Variants in PIWIL2 observed in about 807,000 individuals in gnomAD.
The protein encoded by PIWIL2 is piwi like RNA-mediated gene silencing 2.
Under a neutral mutation model 116.5 loss-of-function variants are expected in PIWIL2, and 81 were observed. The ratio of observed to expected loss-of-function variants is 0.70; its 90% CI spans 0.58 to 0.84. PIWIL2 has a LOEUF of 0.84. Ranked by LOEUF, PIWIL2 falls within the 40% of genes least tolerant of loss-of-function variation. PIWIL2 has a pLI of 0.00. For synonymous variants in PIWIL2, 489 were observed against 429.5 expected, an observed-to-expected ratio of 1.14 and a Z score of -1.71; for missense variants, 1,272 against 1,212.3, an observed-to-expected ratio of 1.05 and a Z score of -0.73.
chr8:22,285,833 C>T (rs1830616721), intron 6 of PIWIL2, among the ~76,000 whole-genome samples: 1 of 151,688 alleles, frequency 6.6e-6, no homozygotes, highest in South Asian at 2.1e-4. Context: ...TTAGTAGAGT[C>T]GGGGTTTTGC....
intron 10 of PIWIL2, among the ~76,000 whole-genome samples, chr8:22,291,961 G>A (rs549476249): frequency 6.6e-6 from 1 of 152,120 alleles, no homozygotes; most frequent in Non-Finnish European, 1.5e-5. Flanking sequence ...GGCAGGGGGC[G>A]GAGAATTGCA....
intron 20 of PIWIL2, among the ~76,000 whole-genome samples, chr8:22,327,725 C>T (rs748800568): frequency 1.7e-4 from 26 of 152,140 alleles, no homozygotes; most frequent in Non-Finnish European, 3.4e-4. Flanking sequence ...TCTTAATGAC[C>T]AGTGATGTTG....
At chr8:22,314,797 GTTTTA>G (rs994255081) in intron 17 of PIWIL2, among the ~76,000 whole-genome samples, 1 of 151,944 alleles carries the variant, frequency 6.6e-6, no homozygotes, top group Non-Finnish European at 1.5e-5. Context: ...TCATTTGTTG[GTTTTA>G]TTTTGTTTTG....
chr8:22,304,908 C>G (rs753341984), intron 12 of PIWIL2, 40 bp downstream of exon 12: 1 of 1,336,410 alleles, frequency 7.5e-7, no homozygotes, highest in Non-Finnish European at 1.1e-6. Context: ...AGCTTAAGTT[C>G]TTCATCCTGT....
At chr8:22,289,238 C>T (rs910440638) in intron 8 of PIWIL2, among the ~76,000 whole-genome samples, 8 of 151,604 alleles carry the variant, frequency 5.3e-5, no homozygotes, top group South Asian at 2.1e-4. Context: ...CTGCAACCTC[C>T]GACTCCCTGG....
chr8:22,290,580 T>TA (rs1401729047), intron 10 of PIWIL2, among the ~76,000 whole-genome samples: 1 of 151,806 alleles, frequency 6.6e-6, no homozygotes, highest in Non-Finnish European at 1.5e-5. Flanking sequence ...TAGCCAGGAC[T>TA]ACGGGTGTGC....
At chr8:22,345,751 A>G (rs1311767294) in intron 20 of PIWIL2, among the ~76,000 whole-genome samples, 1 of 152,236 alleles carries the variant, frequency 6.6e-6, no homozygotes, top group Non-Finnish European at 1.5e-5. Context: ...CATATAATGG[A>G]ATACTATTCT....
At chr8:22,277,470 A>G (rs931804950) in intron 1 of PIWIL2, among the ~76,000 whole-genome samples, 4 of 152,214 alleles carry the variant, frequency 2.6e-5, no homozygotes, top group African/African-American at 9.6e-5. Flanking sequence ...CTCAAAGCAG[A>G]AAGACTGTGT....
At chr8:22,331,640 G>A (rs1831864197) in intron 20 of PIWIL2, among the ~76,000 whole-genome samples, 1 of 152,126 alleles carries the variant, frequency 6.6e-6, no homozygotes, top group South Asian at 2.1e-4. Flanking sequence ...GTATTAGTTT[G>A]CTACAAATGA....
In PIWIL2 at chr8:22,320,259, C is replaced by CTTTTTTT. The variant is rs71544874; in HGVS notation, c.2403+2000_2403+2006dup. ...TACAGGTGTGAGCTGCTGCGCCCGG[C>CTTTTTTT]TTTTTTTTTTTTTTTTTTTTTTGAG... is the stretch of plus-strand genomic sequence containing the variant. On this transcript the variant is annotated intron_variant, in intron 20 of 22. Coordinates refer to ENST00000356766, the MANE Select transcript of PIWIL2 (RefSeq NM_018068.5). Among the ~76,000 whole-genome samples the CTTTTTTT allele has an allele frequency of 1.9e-4, 17 of 89,614 alleles. 2 individuals carry two copies. The highest frequency in any genetic ancestry group is 3.0e-4 in the Non-Finnish European group (14 of 46,092). The allele number at this position is 89,614 out of a possible 152,430, so 58.8% of individuals were successfully genotyped here.
intron 2 of PIWIL2, among the ~76,000 whole-genome samples, 187 bp from the exon 3 acceptor site, chr8:22,280,933 T>TA (rs1166884738): frequency 6.6e-6 from 1 of 152,246 alleles, no homozygotes; most frequent in Non-Finnish European, 1.5e-5. Flanking sequence ...GCCATAACTG[T>TA]AACTGTGCTT....
chr8:22,351,304 T>A (rs181994961), intron 20 of PIWIL2, among the ~76,000 whole-genome samples: 44 of 149,498 alleles, frequency 2.9e-4, no homozygotes, highest in African/African-American at 1.1e-3. Flanking sequence ...AGCAACAGAG[T>A]GAGACCTCAA....
chr8:22,332,671 A>G (rs1831888829), intron 20 of PIWIL2, among the ~76,000 whole-genome samples: 5 of 152,126 alleles, frequency 3.3e-5, no homozygotes, highest in African/African-American at 7.2e-5. Flanking sequence ...AAGCCACAAG[A>G]TAATAATATA....
chr8:22,287,292 G>A (rs1830649882), intron 6 of PIWIL2, among the ~76,000 whole-genome samples: 1 of 152,204 alleles, frequency 6.6e-6, no homozygotes, highest in African/African-American at 2.4e-5. Flanking sequence ...GACGTGCTAA[G>A]GCAGGTGTCC....
rs1168284730 is a variant in PIWIL2 at position 22,357,434 on chromosome 8, T to C, written c.*1929T>C. ...CTAATACTTTTTTTCTCTTAGATAA[T>C]CAGAACAAATGGTTGAATACATTAT... On this transcript the variant is annotated 3_prime_UTR_variant, in exon 23 of 23. Coordinates refer to ENST00000356766, the MANE Select transcript of PIWIL2 (RefSeq NM_018068.5). The C allele has an allele frequency of 1.3e-5, 2 of 152,224 alleles. No individual in the cohort carries two copies. Among genetic ancestry groups the C allele is most frequent in the African/African-American group, 4.8e-5 (2 of 41,460 alleles). The allele number at this position is 152,224 out of a possible 1,614,324, so 9.4% of individuals were successfully genotyped here.
intron 14 of PIWIL2, 124 bp downstream of exon 14, chr8:22,308,197 G>GTTTTT: frequency 1.1e-5 from 6 of 527,948 alleles, no homozygotes; most frequent in Non-Finnish European, 1.8e-5. Context: ...ATTTTTCTAA[G>GTTTTT]TTTTTTTTTT....
chr8:22,355,115 G>A (rs1020518043), intron 22 of PIWIL2, among the ~76,000 whole-genome samples: 1 of 151,530 alleles, frequency 6.6e-6, no homozygotes, highest in Non-Finnish European at 1.5e-5. Flanking sequence ...AAAAAAACAG[G>A]GAAATGCCTC....
chr8:22,298,728 A>G (rs1172843805), intron 10 of PIWIL2, among the ~76,000 whole-genome samples: 2 of 152,246 alleles, frequency 1.3e-5, no homozygotes, highest in African/African-American at 4.8e-5. Context: ...TGCTTACTGC[A>G]GTTAGAGACT....
At chr8:22,323,241 G>A (rs950589184) in intron 20 of PIWIL2, among the ~76,000 whole-genome samples, 1 of 138,024 alleles carries the variant, frequency 7.2e-6, no homozygotes. Flanking sequence ...TCCGCCTCCC[G>A]GGTTCAAGCA....
Sources: gnomAD v4.1 joint callset for allele counts (sites outside exome capture counted in the v4.1 genomes callset) on GRCh38, gnomAD v4.1.1 for gene constraint, MANE v1.5 for transcripts, NCBI Gene and HGNC (gene_info 2026-07-23, HGNC 2026-07-21) for gene names.